Variants in CDH18 observed in about 807,000 individuals in gnomAD.
CDH18 encodes cadherin 18.
CDH18 carries 31 observed loss-of-function variants against 67.9 expected under a neutral mutation model. The ratio of observed to expected loss-of-function variants is 0.46; its 90% CI spans 0.34 to 0.62. CDH18 has a LOEUF of 0.62. Among genes scored for constraint, CDH18 ranks in the 20% least tolerant of loss-of-function variants. CDH18 has a pLI of 0.01. For synonymous variants in CDH18, 362 were observed against 347.2 expected (o/e 1.04, Z -0.48); for missense variants, 890 against 975.5 (o/e 0.91, Z 1.17).
Position 20,454,408 on chromosome 5 carries a change from T to A in CDH18, c.-580+121054A>T, listed in dbSNP as rs184884450. Among the ~76,000 whole-genome samples the A allele has an allele frequency of 2.0e-5, 3 of 152,110 alleles. No homozygotes were observed. The South Asian group carries it at 6.2e-4, about 32-fold the overall frequency. ...ACAAAAATAAGTATTCTATAGATAA[T>A]CTAAAATATTAATACAGGTTAAAAT... On this transcript the variant is annotated intron_variant, in intron 1 of 14. Transcript: ENST00000507958.
chr5:19,886,251 T>C (rs1366891502), intron 2 of CDH18: 2 of 152,150 alleles, frequency 1.3e-5, no homozygotes, highest in Non-Finnish European at 2.9e-5. Flanking sequence ...GTGAAGTACA[T>C]TAGATGACTG....
chr5:20,500,466 C>G (rs1394391037), intron 1 of CDH18, among the ~76,000 whole-genome samples: 1 of 152,094 alleles, frequency 6.6e-6, no homozygotes. Flanking sequence ...TGGCCAGGGG[C>G]ACCTGGGGAA....
chr5:20,197,393 A>G (rs1739065853), intron 2 of CDH18, among the ~76,000 whole-genome samples: 1 of 152,254 alleles, frequency 6.6e-6, no homozygotes, highest in South Asian at 2.1e-4. Context: ...ATGAATCAAA[A>G]TATATGAAGA....
chr5:20,240,046 G>A (rs750388464), intron 2 of CDH18, among the ~76,000 whole-genome samples: 1 of 151,932 alleles, frequency 6.6e-6, no homozygotes, highest in African/African-American at 2.4e-5. Flanking sequence ...GACAAAAATA[G>A]TTAAGAATAA....
intron 3 of CDH18, among the ~76,000 whole-genome samples, chr5:19,789,614 A>C (rs1270917882): frequency 6.6e-6 from 1 of 152,162 alleles, no homozygotes; most frequent in African/African-American, 2.4e-5. Context: ...AATTATTAAG[A>C]ATATAAAGTT....
intron 1 of CDH18, among the ~76,000 whole-genome samples, chr5:20,267,408 C>T (rs373229113): frequency 1.3e-5 from 2 of 152,024 alleles, no homozygotes; most frequent in South Asian, 2.1e-4. Context: ...ACTGTCTTGG[C>T]TATTTGGGCT....
rs529736055 is a variant in CDH18, at chr5:19,875,317, T to C, written c.-256-36075A>G. Among the ~76,000 whole-genome samples, 153 of 152,266 alleles carry C rather than the reference T, an allele frequency of 1.0e-3. 1 individual carries two copies. Among genetic ancestry groups the C allele is most frequent in the Non-Finnish European group, 4.6e-4 (31 of 68,012 alleles). On this transcript the variant is annotated intron_variant, in intron 2 of 12. Coordinates refer to ENST00000382275, the MANE Select transcript of CDH18 (RefSeq NM_004934.5). Reference sequence around the variant, plus strand: ...AGAGAGAAGTGACTAAACTTAGCTTTCACTTTTGCCTTTTACCTATGTAAC... The same window carrying C: ...AGAGAGAAGTGACTAAACTTAGCTTCCACTTTTGCCTTTTACCTATGTAAC...
At chr5:19,930,842 C>T (rs1031307329) in intron 2 of CDH18, among the ~76,000 whole-genome samples, 2 of 151,908 alleles carry the variant, frequency 1.3e-5, no homozygotes, top group Non-Finnish European at 2.9e-5. Flanking sequence ...AATCAAGAAA[C>T]AGTCAAACTA....
intron 1 of CDH18, among the ~76,000 whole-genome samples, chr5:20,358,805 T>G (rs180992766): frequency 2.0e-5 from 3 of 152,210 alleles, no homozygotes; most frequent in Non-Finnish European, 4.4e-5. Context: ...AAAAAACAAA[T>G]GTCCATACTA....
intron 2 of CDH18, among the ~76,000 whole-genome samples, chr5:19,958,681 C>T (rs1424389699): frequency 5.3e-5 from 8 of 151,994 alleles, no homozygotes; most frequent in Admixed American, 5.2e-4. Flanking sequence ...CTGGGAAGCC[C>T]CAGGTAACTG....
chr5:20,025,943 T>G (rs1436987264), intron 2 of CDH18, among the ~76,000 whole-genome samples: 2 of 152,244 alleles, frequency 1.3e-5, no homozygotes, highest in African/African-American at 4.8e-5. Context: ...TATGTTCTAT[T>G]AAATATCCAC....
chr5:19,503,993 A>G (rs1430014740), intron 10 of CDH18, among the ~76,000 whole-genome samples: 7 of 150,750 alleles, frequency 4.6e-5, no homozygotes, highest in Non-Finnish European at 7.4e-5. Flanking sequence ...TCTGAAATAC[A>G]TTGAACTAAT....
At chr5:19,664,115 T>A (rs972470268) in intron 5 of CDH18, among the ~76,000 whole-genome samples, 3 of 151,918 alleles carry the variant, frequency 2.0e-5, no homozygotes, top group African/African-American at 7.2e-5. Context: ...CTAATTATAA[T>A]ATAACATGAA....
intron 1 of CDH18, among the ~76,000 whole-genome samples, chr5:20,371,104 G>A (rs560883525): frequency 2.6e-5 from 4 of 151,930 alleles, no homozygotes; most frequent in South Asian, 2.1e-4. Context: ...AGTGAAAGAA[G>A]TAGTGATTAG....
intron 8 of CDH18, among the ~76,000 whole-genome samples, chr5:19,566,606 T>C (rs1413996258): frequency 1.3e-5 from 2 of 152,124 alleles, no homozygotes; most frequent in Non-Finnish European, 2.9e-5. Context: ...GTGAGACTTA[T>C]TCACTACCAC....
At chr5:19,773,319 T>C (rs1773935894) in intron 3 of CDH18, among the ~76,000 whole-genome samples, 1 of 152,170 alleles carries the variant, frequency 6.6e-6, no homozygotes, top group Admixed American at 6.5e-5. Context: ...TTAAAGTTTT[T>C]ATTTAAAAAA....
At chr5:20,074,018 C>T (rs927335250) in intron 2 of CDH18, among the ~76,000 whole-genome samples, 1 of 152,006 alleles carries the variant, frequency 6.6e-6, no homozygotes, top group African/African-American at 2.4e-5. Flanking sequence ...TTTTTCTTTA[C>T]GTAATCAGAA....
chr5:19,548,658 C>T (rs1056753748), intron 8 of CDH18, among the ~76,000 whole-genome samples: 1 of 151,310 alleles, frequency 6.6e-6, no homozygotes, highest in East Asian at 1.9e-4. Context: ...AATGAAGAAA[C>T]GAAGGGACAG....
At chr5:19,630,117 T>G (rs1263721841) in intron 5 of CDH18, among the ~76,000 whole-genome samples, 1 of 152,018 alleles carries the variant, frequency 6.6e-6, no homozygotes, top group Non-Finnish European at 1.5e-5. Context: ...GTTTTTTTAA[T>G]TTTTAGTAGA....
Sources: gnomAD v4.1 joint callset for allele counts (sites outside exome capture counted in the v4.1 genomes callset) on GRCh38, gnomAD v4.1.1 for gene constraint, MANE v1.5 for transcripts, NCBI Gene and HGNC (gene_info 2026-07-23, HGNC 2026-07-21) for gene names.